Variants in COL22A1 observed in about 807,000 individuals in gnomAD.
COL22A1 encodes the protein collagen type XXII alpha 1 chain.
COL22A1 carries 221 observed loss-of-function variants against 248.9 expected under a neutral mutation model. The ratio of observed to expected loss-of-function variants is 0.89; its 90% CI spans 0.80 to 0.99. The LOEUF (loss-of-function observed/expected upper bound fraction) is 0.99, where lower values mean the gene tolerates loss of function less well. Among genes scored for constraint, COL22A1 ranks in the 50% least tolerant of loss-of-function variants. The pLI is 0.00. For synonymous variants in COL22A1, 891 were observed against 793.4 expected, an observed-to-expected ratio of 1.12 and a Z score of -2.07; for missense variants, 2,240 against 2,179.0, an observed-to-expected ratio of 1.03 and a Z score of -0.56.
chr8:138,727,001 C>A (rs1830369628), intron 23 of COL22A1, among the ~76,000 whole-genome samples: 1 of 152,136 alleles, frequency 6.6e-6, no homozygotes, highest in Non-Finnish European at 1.5e-5. Context: ...TGGAATCACA[C>A]AACACCAGGG....
At chr8:138,795,323 T>G (rs1479217527) in intron 12 of COL22A1, among the ~76,000 whole-genome samples, 1 of 152,156 alleles carries the variant, frequency 6.6e-6, no homozygotes, top group Non-Finnish European at 1.5e-5. Context: ...ACACCCAAAC[T>G]GCTTTTCATT....
chr8:138,641,331 T>C lies in COL22A1; in HGVS notation c.3502-4536A>G, dbSNP rs572687814. Among the ~76,000 whole-genome samples the C allele has an allele frequency of 2.6e-5, 4 of 152,310 alleles. No homozygotes were observed. The East Asian group carries it at 7.7e-4, about 29-fold the overall frequency. On this transcript the variant is annotated intron_variant, in intron 47 of 64. Transcript: ENST00000303045. Reference sequence around the variant, plus strand: ...TGCTCATTGGGTGTCTCTGGATCCATGCCAGGCCCCCTTTAGGTCCTATTA... The same window carrying C: ...TGCTCATTGGGTGTCTCTGGATCCACGCCAGGCCCCCTTTAGGTCCTATTA...
intron 59 of COL22A1, 29 bp from the exon 60 acceptor site, chr8:138,602,188 G>T: frequency 6.2e-7 from 1 of 1,613,182 alleles, no homozygotes; most frequent in Non-Finnish European, 8.5e-7. Context: ...GACAGTCATT[G>T]CCCCGGGCCC....
At position 138,878,137 on chromosome 8, in the gene COL22A1, C is replaced by A; in HGVS notation, c.271G>T (p.Glu91Ter). 6.2e-7 allele frequency: 1 copy of A among 1,605,936 alleles called. No individual in the cohort carries two copies. Among genetic ancestry groups the A allele is most frequent in the Non-Finnish European group, 8.5e-7 (1 of 1,176,962 alleles). Reference protein sequence around the residue: ...RYSDRPTTAFELGLFGSQEEV... With the variant: ...RYSDRPTTAF ...TCCTGCGAGCCAAAGAGTCCCAACTCGAAGGCCGTGGTGGGCCGGTCGCTG... is the reference window on the plus strand; with the variant it reads ...TCCTGCGAGCCAAAGAGTCCCAACTAGAAGGCCGTGGTGGGCCGGTCGCTG... The change falls in exon 3 of 65, where the codon GAG becomes TAG. Residue 91 changes from glutamate to a stop codon, truncating the protein, a stop_gained. Coordinates refer to ENST00000303045, the MANE Select transcript of COL22A1 (RefSeq NM_152888.3). LOFTEE classifies it high-confidence loss of function.
intron 43 of COL22A1, among the ~76,000 whole-genome samples, chr8:138,661,071 CACAT>C (rs1823910670): frequency 7.3e-6 from 1 of 136,122 alleles, no homozygotes; most frequent in Non-Finnish European, 1.6e-5. Flanking sequence ...CACCCACATA[CACAT>C]ACATACACAC....
At chr8:138,686,610 G>A (rs2130865546) in intron 37 of COL22A1, among the ~76,000 whole-genome samples, 1 of 152,348 alleles carries the variant, frequency 6.6e-6, no homozygotes, top group South Asian at 2.1e-4. Flanking sequence ...CCACTTTGCA[G>A]AGCCCTGGAG....
intron 61 of COL22A1, 32 bp downstream of exon 61, chr8:138,598,687 C>T (rs1362774212): frequency 1.3e-6 from 2 of 1,588,762 alleles, no homozygotes; most frequent in Non-Finnish European, 1.7e-6. Context: ...CCCCGAGGAG[C>T]CCCGAGTCCA....
At chr8:138,644,134 T>G in intron 47 of COL22A1, among the ~76,000 whole-genome samples, 1 of 152,174 alleles carries the variant, frequency 6.6e-6, no homozygotes, top group South Asian at 2.1e-4. Flanking sequence ...TCAAGATGAT[T>G]GAAATATCAA....
At chr8:138,867,534 C>T (rs551736784) in intron 3 of COL22A1, among the ~76,000 whole-genome samples, 1 of 152,248 alleles carries the variant, frequency 6.6e-6, no homozygotes, top group African/African-American at 2.4e-5. Context: ...GACAAGGAAA[C>T]CGAGGCTCAG....
intron 3 of COL22A1, among the ~76,000 whole-genome samples, chr8:138,876,264 A>G (rs1437981377): frequency 6.6e-6 from 1 of 152,104 alleles, no homozygotes; most frequent in Non-Finnish European, 1.5e-5. Flanking sequence ...CATGCAGTTC[A>G]TGCCCATCCT....
intron 22 of COL22A1, among the ~76,000 whole-genome samples, chr8:138,748,899 C>G (rs1832357930): frequency 6.6e-6 from 1 of 152,200 alleles, no homozygotes; most frequent in East Asian, 1.9e-4. Flanking sequence ...CAAATCTCAT[C>G]TTGACTCCCA....
At chr8:138,604,803 A>C (rs12546923) in intron 58 of COL22A1, 34 bp from the exon 59 acceptor site, 1,155,882 of 1,580,620 alleles carry the variant, frequency 0.73, 433,099 homozygotes, top group Non-Finnish European at 0.78. Context: ...GTGGCTCTGC[A>C]GCATCAGCCC....
intron 35 of COL22A1, among the ~76,000 whole-genome samples, chr8:138,692,111 GGTGT>G (rs796859018): frequency 1.2e-4 from 9 of 76,738 alleles, no homozygotes; most frequent in African/African-American, 2.8e-4. Context: ...CGTTTGTGGA[GGTGT>G]GTGTATGTGT....
chr8:138,864,397 G>A (rs543886166), intron 3 of COL22A1, among the ~76,000 whole-genome samples: 33 of 151,698 alleles, frequency 2.2e-4, no homozygotes, highest in Non-Finnish European at 4.3e-4. Flanking sequence ...CCAAGCAGGA[G>A]TTACGAAGAG....
chr8:138,831,131 C>T (rs369829879), intron 5 of COL22A1, among the ~76,000 whole-genome samples: 80 of 152,262 alleles, frequency 5.3e-4, no homozygotes, highest in African/African-American at 1.7e-3. Context: ...GATGAAATGA[C>T]ATTAGGGTCT....
chr8:138,617,006 G>A (rs1419068970), intron 53 of COL22A1, 48 bp from the exon 54 acceptor site: 2 of 1,602,248 alleles, frequency 1.2e-6, no homozygotes, highest in African/African-American at 1.3e-5. Context: ...AGGCTCTTGG[G>A]GCAGAAGTGG....
At chr8:138,774,243 C>T (rs143244357) in intron 16 of COL22A1, among the ~76,000 whole-genome samples, 53 of 152,162 alleles carry the variant, frequency 3.5e-4, no homozygotes, top group African/African-American at 1.2e-3. Context: ...GGCCAGTCCC[C>T]GCCTCCCTGA....
chr8:138,669,807 A>C (rs1424950428), intron 41 of COL22A1, among the ~76,000 whole-genome samples: 1 of 151,976 alleles, frequency 6.6e-6, no homozygotes, highest in East Asian at 1.9e-4. Context: ...TAGAAAGGAG[A>C]GTTTCCAATC....
At chr8:138,889,417 C>G (rs975688520) in intron 1 of COL22A1, among the ~76,000 whole-genome samples, 1 of 152,186 alleles carries the variant, frequency 6.6e-6, no homozygotes, top group Non-Finnish European at 1.5e-5. Context: ...TTTGTAGGGA[C>G]ATGGATGAAA....
Sources: gnomAD v4.1 joint callset for allele counts (sites outside exome capture counted in the v4.1 genomes callset) on GRCh38, gnomAD v4.1.1 for gene constraint, MANE v1.5 for transcripts, NCBI Gene and HGNC (gene_info 2026-07-23, HGNC 2026-07-21) for gene names.